Variants in SCN2A observed in about 807,000 individuals in gnomAD.
SCN2A encodes the protein sodium channel protein type 2 subunit alpha.
A neutral mutation model predicts 188.7 loss-of-function variants in SCN2A; 20 were observed. The ratio of observed to expected loss-of-function variants is 0.11; its 90% CI spans 0.07 to 0.15. The LOEUF (loss-of-function observed/expected upper bound fraction) is 0.15. SCN2A is among the 10% of genes least tolerant of loss of function. The pLI, the probability that SCN2A is intolerant of heterozygous loss-of-function variation, is 1.00. For missense variants in SCN2A, 1,278 were observed against 2,445.0 expected (o/e 0.52, Z 10.07); for synonymous variants, 804 against 833.1 (o/e 0.97, Z 0.60).
chr2:165,304,315 A>G (rs1047347797), intron 3 of SCN2A, among the ~76,000 whole-genome samples: 2 of 152,146 alleles, frequency 1.3e-5, no homozygotes, highest in African/African-American at 2.4e-5. Flanking sequence ...GGCTGGTCTC[A>G]AACTCCTAAC....
chr2:165,271,237 C>G (rs891734069), intron 1 of SCN2A: 1 of 152,040 alleles, frequency 6.6e-6, no homozygotes, highest in East Asian at 1.9e-4. Context: ...TCTTTGGAAG[C>G]GGAGAGTATG....
At chr2:165,319,025 G>A (rs1697922567) in intron 11 of SCN2A, among the ~76,000 whole-genome samples, 1 of 152,156 alleles carries the variant, frequency 6.6e-6, no homozygotes, top group South Asian at 2.1e-4. Flanking sequence ...TTCTGTTGTG[G>A]GAGCAGTAAG....
At chr2:165,336,382 A>G (rs1698993905) in intron 14 of SCN2A, among the ~76,000 whole-genome samples, 1 of 151,996 alleles carries the variant, frequency 6.6e-6, no homozygotes, top group Non-Finnish European at 1.5e-5. Context: ...TATCCATCCA[A>G]TAAATGTTAT....
At chr2:165,316,353 G>T (rs1164112842) in intron 11 of SCN2A, among the ~76,000 whole-genome samples, 1 of 151,842 alleles carries the variant, frequency 6.6e-6, no homozygotes, top group East Asian at 1.9e-4. Flanking sequence ...TTAAACATGG[G>T]ACTTGCATTT....
chr2:165,365,364 T>C (rs1425736168), intron 18 of SCN2A, 101 bp downstream of exon 18: 1 of 1,135,202 alleles, frequency 8.8e-7, no homozygotes, highest in African/African-American at 1.8e-5. Flanking sequence ...ATCTATTATC[T>C]ATCTATCTGT....
chr2:165,329,743 A>G (rs755621263), intron 13 of SCN2A, among the ~76,000 whole-genome samples: 5 of 152,208 alleles, frequency 3.3e-5, no homozygotes, highest in Non-Finnish European at 5.9e-5. Flanking sequence ...ACTGTAAATA[A>G]TAATACCTCC....
intron 16 of SCN2A, among the ~76,000 whole-genome samples, chr2:165,353,808 G>A (rs1211206307): frequency 3.9e-5 from 6 of 152,082 alleles, no homozygotes; most frequent in African/African-American, 9.7e-5. Flanking sequence ...CAGGCCCCAC[G>A]TCTAGTGCTG....
At chr2:165,274,705 G>A (rs1695258080) in intron 1 of SCN2A, among the ~76,000 whole-genome samples, 1 of 152,166 alleles carries the variant, frequency 6.6e-6, no homozygotes, top group Non-Finnish European at 1.5e-5. Flanking sequence ...TTAAGGACAG[G>A]CAGTATTTTG....
chr2:165,291,514 C>CTTTTT (rs1559340491), intron 1 of SCN2A, among the ~76,000 whole-genome samples: 6 of 42,176 alleles, frequency 1.4e-4, no homozygotes, highest in East Asian at 8.7e-4. Context: ...TTTCTTTCTT[C>CTTTTT]CTCTCCTTTC....
chr2:165,274,326 G>A (rs988255285), intron 1 of SCN2A: 3 of 148,936 alleles, frequency 2.0e-5, no homozygotes, highest in Non-Finnish European at 4.4e-5. Context: ...TTAACCAGGA[G>A]AGGGATTATC....
Position 165,354,677 on chromosome 2 carries a change from A to C in SCN2A, c.3399+6A>C, listed in dbSNP as rs1387421489. ...ATATGGAGGAAAGCAAAGAGGTAAA[A>C]ATGTTTAAATAAGGAGATATTTTGG... On this transcript the variant is annotated splice_donor_region_variant and intron_variant, in intron 17 of 26. Coordinates refer to ENST00000375437, the MANE Select transcript of SCN2A (RefSeq NM_001040142.2). The C allele has an allele frequency of 6.2e-7, 1 of 1,612,620 alleles. No individual in the cohort carries two copies. The highest frequency in any genetic ancestry group is 8.5e-7 in the Non-Finnish European group (1 of 1,179,756).
intron 1 of SCN2A, chr2:165,271,414 C>G (rs893735778): frequency 6.6e-6 from 1 of 151,930 alleles, no homozygotes. Context: ...AGGAGATACT[C>G]GATGGGAATT....
intron 1 of SCN2A, among the ~76,000 whole-genome samples, chr2:165,257,571 C>T (rs1452865659): frequency 6.6e-6 from 1 of 151,928 alleles, no homozygotes; most frequent in African/African-American, 2.4e-5. Flanking sequence ...CGGAGTCTTG[C>T]TCTGTCACCC....
intron 18 of SCN2A, 142 bp downstream of exon 18, chr2:165,365,405 C>T: frequency 1.2e-6 from 1 of 806,418 alleles, no homozygotes; most frequent in African/African-American, 1.8e-5. Flanking sequence ...ATCTAGTAAT[C>T]ATCTATACCT....
intron 11 of SCN2A, 105 bp from the exon 12 acceptor site, chr2:165,323,051 T>G: frequency 2.4e-5 from 26 of 1,096,022 alleles, no homozygotes; most frequent in Non-Finnish European, 3.1e-5. Context: ...GACTTATCCT[T>G]GAGTAAGTCA....
intron 1 of SCN2A, among the ~76,000 whole-genome samples, chr2:165,243,179 A>G (rs1355437495): frequency 1.3e-5 from 2 of 152,198 alleles, no homozygotes; most frequent in African/African-American, 2.4e-5. Context: ...AGGCCAACAC[A>G]TATCTATTAT....
intron 13 of SCN2A, among the ~76,000 whole-genome samples, chr2:165,329,169 G>A (rs1698538046): frequency 6.6e-6 from 1 of 151,836 alleles, no homozygotes; most frequent in African/African-American, 2.4e-5. Context: ...TTTAACTACA[G>A]CCAAGTCTCC....
intron 1 of SCN2A, among the ~76,000 whole-genome samples, chr2:165,284,325 C>T (rs1162180244): frequency 6.6e-6 from 1 of 152,066 alleles, no homozygotes; most frequent in Non-Finnish European, 1.5e-5. Context: ...TGCCCGCCAC[C>T]ACACCTGGCT....
intron 1 of SCN2A, chr2:165,266,855 GTGTTTC>G (rs1198433926): frequency 6.6e-6 from 1 of 152,016 alleles, no homozygotes; most frequent in Non-Finnish European, 1.5e-5. Flanking sequence ...AAAATCAGTA[GTGTTTC>G]TAAACACTAA....
Sources: allele counts gnomAD v4.1 joint callset (sites outside exome capture counted in the v4.1 genomes callset), GRCh38; gene constraint gnomAD v4.1.1; transcripts MANE v1.5; gene names NCBI Gene and HGNC (gene_info 2026-07-23, HGNC 2026-07-21).